Variants in RAPGEF6 observed in about 807,000 individuals in gnomAD.
RAPGEF6 encodes Rap guanine nucleotide exchange factor 6.
A neutral mutation model predicts 171.4 loss-of-function variants in RAPGEF6; 56 were observed. The observed-to-expected ratio is 0.33, with a 90% CI of 0.26 to 0.41. RAPGEF6 has a LOEUF of 0.41. RAPGEF6 is among the 10% of genes least tolerant of loss of function. The pLI is 1.00. For synonymous variants in RAPGEF6, 692 were observed against 650.1 expected, an observed-to-expected ratio of 1.06 and a Z score of -0.98; for missense variants, 1,674 against 1,921.4, an observed-to-expected ratio of 0.87 and a Z score of 2.41.
chr5:131,534,481 T>C (rs1387856723), intron 6 of RAPGEF6, among the ~76,000 whole-genome samples: 2 of 151,954 alleles, frequency 1.3e-5, no homozygotes, highest in South Asian at 2.1e-4. Flanking sequence ...AAAGACACAA[T>C]ACCAAAATAC....
chr5:131,518,521 C>T (rs941472876), intron 7 of RAPGEF6, among the ~76,000 whole-genome samples: 1 of 151,960 alleles, frequency 6.6e-6, no homozygotes, highest in Non-Finnish European at 1.5e-5. Flanking sequence ...CCTCAGCCTC[C>T]TGAGTAGCTG....
chr5:131,466,178 G>A, intron 17 of RAPGEF6, among the ~76,000 whole-genome samples: 1 of 151,554 alleles, frequency 6.6e-6, no homozygotes, highest in East Asian at 1.9e-4. Flanking sequence ...GGGACAAGGA[G>A]TCTTAGCCAA....
intron 3 of RAPGEF6, among the ~76,000 whole-genome samples, chr5:131,598,515 T>C (rs2150009679): frequency 6.6e-6 from 1 of 152,146 alleles, no homozygotes; most frequent in South Asian, 2.1e-4. Flanking sequence ...TAGACAAAAC[T>C]GCTGAAAAGC....
intron 1 of RAPGEF6, among the ~76,000 whole-genome samples, chr5:131,632,585 G>C (rs1292235383): frequency 6.6e-6 from 1 of 152,084 alleles, no homozygotes; most frequent in Non-Finnish European, 1.5e-5. Context: ...CAGAATGTAA[G>C]TCTTACTAGG....
intron 27 of RAPGEF6, among the ~76,000 whole-genome samples, chr5:131,427,834 AC>A: frequency 6.6e-6 from 1 of 152,314 alleles, no homozygotes; most frequent in South Asian, 2.1e-4. Flanking sequence ...AGTGCGGGGT[AC>A]AGTGGCTCAC....
chr5:131,616,104 A>C (rs1236284113), intron 1 of RAPGEF6, among the ~76,000 whole-genome samples: 1 of 151,150 alleles, frequency 6.6e-6, no homozygotes, highest in East Asian at 1.9e-4. Flanking sequence ...CCTAGGGGCG[A>C]AAAAAAAAGA....
chr5:131,446,821 A>C (rs1254698034), intron 21 of RAPGEF6, 118 bp from the exon 22 acceptor site: 6 of 936,692 alleles, frequency 6.4e-6, no homozygotes, highest in Non-Finnish European at 9.6e-6. Flanking sequence ...AAATGAGTTA[A>C]AAGATGAAGA....
intron 5 of RAPGEF6, among the ~76,000 whole-genome samples, chr5:131,553,158 C>A (rs759967366): frequency 3.3e-5 from 5 of 151,998 alleles, no homozygotes; most frequent in Non-Finnish European, 7.4e-5. Context: ...ATGAAGAGAC[C>A]CTGCTGAAGC....
chr5:131,569,191 C>G (rs1001070875), intron 4 of RAPGEF6, among the ~76,000 whole-genome samples: 10 of 152,092 alleles, frequency 6.6e-5, no homozygotes, highest in Admixed American at 2.6e-4. Context: ...TATCAAAACC[C>G]CAACAGGCTT....
intron 1 of RAPGEF6, among the ~76,000 whole-genome samples, chr5:131,630,333 T>C (rs6872682): frequency 0.64 from 96,914 of 152,032 alleles, 32,667 homozygotes; most frequent in Non-Finnish European, 0.77. Context: ...CATAAGGCTA[T>C]CACACACAAT....
At position 131,629,762 on chromosome 5, in the gene RAPGEF6, G is replaced by GA. The variant is rs552627684; in HGVS notation, c.69+5199dup. The stretch of plus-strand genomic sequence containing the variant: ...AATGAGATCTTGTCTCAAAGAAAAA[G>GA]AAAAAAAAAAAAAAGGAAAGAAAAA... On this transcript the variant is annotated intron_variant, in intron 1 of 27. Transcript: ENST00000509018. 9.7e-3 allele frequency among the ~76,000 whole-genome samples: 464 copies of GA among 47,654 alleles called. 1 individual carries two copies. The highest frequency in any genetic ancestry group is 0.026 in the Middle Eastern group (2 of 78). The allele number at this position is 47,654 out of a possible 152,430, so 31.3% of individuals were successfully genotyped here.
At chr5:131,444,092 T>G (rs983814895) in intron 22 of RAPGEF6, among the ~76,000 whole-genome samples, 5 of 152,238 alleles carry the variant, frequency 3.3e-5, no homozygotes, top group Non-Finnish European at 5.9e-5. Context: ...GCAGCCTCAG[T>G]ACTTCATGAA....
chr5:131,622,381 G>T (rs1427925848), intron 1 of RAPGEF6, among the ~76,000 whole-genome samples: 1 of 152,226 alleles, frequency 6.6e-6, no homozygotes, highest in Non-Finnish European at 1.5e-5. Flanking sequence ...CTTTGCAAGG[G>T]ACAGACTGAC....
intron 24 of RAPGEF6, chr5:131,435,734 G>A: frequency 1.1e-6 from 1 of 904,934 alleles, no homozygotes; most frequent in South Asian, 2.2e-5. Flanking sequence ...CCAGCTAACA[G>A]TAGGAAATAA....
chr5:131,427,171 T>C lies in RAPGEF6; in HGVS notation c.*95A>G, dbSNP rs1486096755. 13 of 1,145,868 alleles carry C rather than the reference T, an allele frequency of 1.1e-5. No individual in the cohort carries two copies. The highest frequency in any genetic ancestry group is 1.7e-5 in the Non-Finnish European group (13 of 754,548). The allele number at this position is 1,145,868 out of a possible 1,614,324, so 71.0% of individuals were successfully genotyped here. On this transcript the variant is annotated 3_prime_UTR_variant, in exon 28 of 28. Coordinates refer to ENST00000509018, the MANE Select transcript of RAPGEF6 (RefSeq NM_016340.6). ...AAAACCTCTGGACTGGTTGTAGCAA[T>C]GAGCTGTTCGTTAGCAATGGCCTGC...
At chr5:131,491,049 A>G (rs1243905250) in intron 14 of RAPGEF6, among the ~76,000 whole-genome samples, 1 of 150,218 alleles carries the variant, frequency 6.7e-6, no homozygotes, top group Non-Finnish European at 1.5e-5. Flanking sequence ...CTCAAGAATG[A>G]TTTCACGTGT....
Position 131,494,444 on chromosome 5 carries a change from G to C in RAPGEF6, c.1527+1109C>G, listed in dbSNP as rs1410040895. ...CCTATATAGAAAGGAAACCTAGAAA[G>C]TCAATATAGATTTGATATTTAGGAT... On this transcript the variant is annotated intron_variant, in intron 13 of 27. Transcript: ENST00000509018. 3.3e-5 allele frequency among the ~76,000 whole-genome samples: 5 copies of C among 152,166 alleles called. No individual in the cohort carries two copies. The East Asian group carries it at 7.7e-4, about 23-fold the overall frequency.
chr5:131,501,087 A>G (rs967592654), intron 11 of RAPGEF6, among the ~76,000 whole-genome samples: 2 of 150,466 alleles, frequency 1.3e-5, no homozygotes, highest in East Asian at 2.0e-4. Context: ...CCTGAGGATC[A>G]CTTGAGGTCA....
rs562899870 is a variant in RAPGEF6, at chr5:131,448,497, G to A, written c.3201-1794C>T. Among the ~76,000 whole-genome samples, 8 of 152,182 alleles carry A rather than the reference G, an allele frequency of 5.3e-5. No individual in the cohort carries two copies. The South Asian group carries it at 1.2e-3, about 24-fold the overall frequency. On this transcript the variant is annotated intron_variant, in intron 21 of 27. Coordinates refer to ENST00000509018, the MANE Select transcript of RAPGEF6 (RefSeq NM_016340.6). ...AATAACAATATGTCCAACAATTGAC[G>A]TTGTCTTGAATTCAAAGAAATGCAG...
Sources: gnomAD v4.1 joint callset for allele counts (sites outside exome capture counted in the v4.1 genomes callset) on GRCh38, gnomAD v4.1.1 for gene constraint, MANE v1.5 for transcripts, NCBI Gene and HGNC (gene_info 2026-07-23, HGNC 2026-07-21) for gene names.